The following DACH1 variants were observed in gnomAD, a reference collection of about 807,000 sequenced individuals.
The protein encoded by DACH1 is dachshund family transcription factor 1, also known as dachshund homolog 1.
DACH1 carries 12 observed loss-of-function variants against 54.2 expected under a neutral mutation model. The ratio of observed to expected loss-of-function variants is 0.22; its 90% CI spans 0.14 to 0.36. The LOEUF (loss-of-function observed/expected upper bound fraction) is 0.36, where lower values mean the gene tolerates loss of function less well. DACH1 is among the 10% of genes least tolerant of loss of function. DACH1 has a pLI of 1.00. For missense variants in DACH1, 805 were observed against 929.8 expected (o/e 0.87, Z 1.75); for synonymous variants, 386 against 366.2 (o/e 1.05, Z -0.62).
intron 1 of DACH1, among the ~76,000 whole-genome samples, chr13:71,726,541 T>C (rs1490654351): frequency 6.6e-6 from 1 of 151,994 alleles, no homozygotes; most frequent in Non-Finnish European, 1.5e-5. Flanking sequence ...ATCCAATAAA[T>C]AGGCAATGAA....
At chr13:71,793,760 T>G (rs1345635555) in intron 1 of DACH1, among the ~76,000 whole-genome samples, 2 of 152,138 alleles carry the variant, frequency 1.3e-5, no homozygotes, top group East Asian at 1.9e-4. Context: ...CTACTGGGTT[T>G]AAGCGATCCT....
At chr13:71,738,373 TA>T in intron 1 of DACH1, among the ~76,000 whole-genome samples, 1 of 152,206 alleles carries the variant, frequency 6.6e-6, no homozygotes, top group Non-Finnish European at 1.5e-5. Flanking sequence ...TTTACAATAT[TA>T]ATTGAGAAAT....
chr13:71,640,104 T>G (rs1877783798), intron 2 of DACH1, among the ~76,000 whole-genome samples: 1 of 151,928 alleles, frequency 6.6e-6, no homozygotes, highest in South Asian at 2.1e-4. Context: ...TTCGCCTTAC[T>G]CCCAGTTCAG....
intron 6 of DACH1, among the ~76,000 whole-genome samples, chr13:71,519,972 TAAAC>T (rs1032649555): frequency 1.4e-5 from 2 of 144,070 alleles, no homozygotes; most frequent in Non-Finnish European, 3.0e-5. Flanking sequence ...AAGACACCAT[TAAAC>T]AAGCAAATTT....
chr13:71,700,086 C>T (rs774301327), intron 1 of DACH1, among the ~76,000 whole-genome samples: 8 of 151,938 alleles, frequency 5.3e-5, no homozygotes, highest in South Asian at 2.1e-4. Flanking sequence ...AGTGTGTGTG[C>T]GTGCATGCAT....
At chr13:71,579,122 G>C (rs1387162280) in intron 3 of DACH1, among the ~76,000 whole-genome samples, 1 of 152,042 alleles carries the variant, frequency 6.6e-6, no homozygotes, top group Non-Finnish European at 1.5e-5. Context: ...TGCCATACCA[G>C]GGGACTTTTA....
At chr13:71,441,628 C>T (rs966359524) in intron 10 of DACH1, among the ~76,000 whole-genome samples, 13 of 151,930 alleles carry the variant, frequency 8.6e-5, no homozygotes, top group African/African-American at 3.1e-4. Flanking sequence ...TGCAAAATGT[C>T]TGGTAACTGG....
At chr13:71,590,170 A>T (rs1350556770) in intron 3 of DACH1, among the ~76,000 whole-genome samples, 10 of 152,142 alleles carry the variant, frequency 6.6e-5, no homozygotes, top group Admixed American at 6.5e-4. Context: ...CACTATAAAC[A>T]TCTCATATCA....
At chr13:71,467,805 G>A (rs146965803) in intron 10 of DACH1, among the ~76,000 whole-genome samples, 187 of 152,010 alleles carry the variant, frequency 1.2e-3, no homozygotes, top group African/African-American at 4.3e-3. Context: ...GGGACTAGAG[G>A]GAAATTTATT....
rs150394182 is a variant in DACH1 at position 71,721,989 on chromosome 13, C to A, written c.849-40079G>T. On this transcript the variant is annotated intron_variant, in intron 1 of 10. Transcript: ENST00000613252. ...TAGAATTAGAAATTATGCTCTTAGG[C>A]AATTATAAGTCTATACCATTAAATT... Among the ~76,000 whole-genome samples the A allele has an allele frequency of 7.6e-4, 116 of 152,076 alleles. No individual in the cohort carries two copies. The East Asian group carries it at 0.019, about 24-fold the overall frequency.
intron 2 of DACH1, among the ~76,000 whole-genome samples, chr13:71,631,402 G>GCCAC (rs1324805396): frequency 1.3e-5 from 2 of 152,114 alleles, no homozygotes; most frequent in Non-Finnish European, 2.9e-5. Flanking sequence ...TATAGGACAT[G>GCCAC]CCACCCTGCA....
At position 71,832,979 on chromosome 13, in the gene DACH1, AT is replaced by A. The variant is rs550469618; in HGVS notation, c.848+32942del. ...TCTGAATTCCACTCCCTACTTTTTT[AT>A]TTTTATTTTTATTTTTAATGAAATC... On this transcript the variant is annotated intron_variant, in intron 1 of 10. Transcript: ENST00000613252. Among the ~76,000 whole-genome samples the A allele has an allele frequency of 1.6e-4, 24 of 151,836 alleles. No homozygotes were observed. In the East Asian group the frequency reaches 2.9e-3, roughly 18 times the overall value.
At chr13:71,770,184 T>C (rs1438914343) in intron 1 of DACH1, among the ~76,000 whole-genome samples, 3 of 151,712 alleles carry the variant, frequency 2.0e-5, no homozygotes, top group Non-Finnish European at 3.0e-5. Flanking sequence ...AGATATGCAC[T>C]TTCATTACAA....
At chr13:71,741,488 A>T (rs1206194278) in intron 1 of DACH1, among the ~76,000 whole-genome samples, 3 of 152,152 alleles carry the variant, frequency 2.0e-5, no homozygotes, top group African/African-American at 7.2e-5. Flanking sequence ...ATTAGGGGAA[A>T]ATCCTACAAT....
chr13:71,456,897 A>G (rs1875611868), intron 10 of DACH1, among the ~76,000 whole-genome samples: 1 of 152,054 alleles, frequency 6.6e-6, no homozygotes, highest in Non-Finnish European at 1.5e-5. Context: ...TAAAAATTCT[A>G]AACGTTGCAG....
chr13:71,675,270 G>A, intron 2 of DACH1: 3 of 1,594,400 alleles, frequency 1.9e-6, no homozygotes, highest in Non-Finnish European at 2.6e-6. Flanking sequence ...TTCCCTTCCA[G>A]AGTCTGGTGC....
chr13:71,450,034 C>T (rs543731957), intron 10 of DACH1, among the ~76,000 whole-genome samples: 5 of 152,086 alleles, frequency 3.3e-5, no homozygotes, highest in Admixed American at 2.0e-4. Flanking sequence ...CTAACCTGCA[C>T]GTTGTGCACA....
chr13:71,593,950 T>C (rs1873908985), intron 3 of DACH1, among the ~76,000 whole-genome samples: 1 of 151,528 alleles, frequency 6.6e-6, no homozygotes, highest in Non-Finnish European at 1.5e-5. Flanking sequence ...TAGTTGATTA[T>C]GATAAGTATA....
intron 2 of DACH1, among the ~76,000 whole-genome samples, chr13:71,651,270 G>A (rs1878643502): frequency 6.6e-6 from 1 of 151,872 alleles, no homozygotes. Flanking sequence ...GGGAGCCTGA[G>A]GTCAGTGGAT....
Sources: allele counts gnomAD v4.1 joint callset (sites outside exome capture counted in the v4.1 genomes callset), GRCh38; gene constraint gnomAD v4.1.1; transcripts MANE v1.5; gene names NCBI Gene and HGNC (gene_info 2026-07-23, HGNC 2026-07-21).